CCDC134: variants seen among roughly 807,000 people sequenced by gnomAD.
CCDC134 encodes the protein coiled-coil domain containing 134.
In CCDC134, 27 loss-of-function variants were observed where a neutral mutation model predicts 25.6. The ratio of observed to expected loss-of-function variants is 1.05; its 90% CI spans 0.78 to 1.45. The LOEUF (loss-of-function observed/expected upper bound fraction) is 1.45, where lower values mean the gene tolerates loss of function less well. CCDC134 is among the 40% of genes most tolerant of loss of function. The pLI, the probability that CCDC134 is intolerant of heterozygous loss-of-function variation, is 0.00. For synonymous variants in CCDC134, 110 were observed against 115.0 expected, an observed-to-expected ratio of 0.96 and a Z score of 0.28; for missense variants, 261 against 286.7, an observed-to-expected ratio of 0.91 and a Z score of 0.65.
chr22:41,825,821 T>C lies in CCDC134; in HGVS notation c.688T>C (p.Ter230GlnextTer31). 1 of 1,614,074 alleles carries C rather than the reference T, an allele frequency of 6.2e-7. No individual in the cohort carries two copies. The highest frequency in any genetic ancestry group is 8.5e-7 in the Non-Finnish European group (1 of 1,179,938). ...GATCTCCAGATCCCAGTCTGAGTTA[T>C]AGCCCTGGAGCAGCTCAGGGCTCAG... is the stretch of plus-strand genomic sequence containing the variant. ...PRISRSQSEL* is the reference protein window; with the variant it reads ...PRISRSQSELQ Residue 230 changes from the stop codon to glutamine, a stop_lost, in exon 7 of 7, where the codon TAG becomes CAG. Transcript: ENST00000255784. This position sits in a 1 kb window ranked among gnomAD's most constrained non-coding sequence, Gnocchi z 4.4.
intron 1 of CCDC134, 140 bp from the exon 2 acceptor site, chr22:41,808,735 G>GGC (rs2076579840): frequency 2.9e-6 from 2 of 678,288 alleles, no homozygotes; most frequent in Non-Finnish European, 5.2e-6. Context: ...AAGAGCTGCA[G>GGC]CTTCAGGGCT....
At chr22:41,805,784 T>A (rs919243322) in intron 1 of CCDC134, among the ~76,000 whole-genome samples, 5 of 152,056 alleles carry the variant, frequency 3.3e-5, no homozygotes, top group Admixed American at 6.6e-5. Flanking sequence ...TTTTAAAAAT[T>A]ATAATAGCTG....
chr22:41,818,436 G>A (rs1013579401), intron 6 of CCDC134, among the ~76,000 whole-genome samples: 1 of 152,188 alleles, frequency 6.6e-6, no homozygotes, highest in Non-Finnish European at 1.5e-5. Flanking sequence ...AAGGTGGTGG[G>A]GACCCTCCTG....
intron 4 of CCDC134, among the ~76,000 whole-genome samples, chr22:41,811,327 C>T (rs2076594811): frequency 6.6e-6 from 1 of 152,200 alleles, no homozygotes. Context: ...CTGAACAGAA[C>T]CATGTCTCAG....
rs2076693431 is a variant in CCDC134, at chr22:41,829,175, C to T, written c.*3352C>T. On this transcript the variant is annotated 3_prime_UTR_variant, in exon 7 of 7. Transcript: ENST00000255784. ...TGGGAGGGAAAACCTCTCTGGTCCA[C>T]AGCCCTTCTCCTTATTCCAGTCCCA... Among the ~76,000 whole-genome samples the T allele has an allele frequency of 6.6e-6, 1 of 152,206 alleles. No homozygotes were observed. The highest frequency in any genetic ancestry group is 1.9e-4 in the East Asian group (1 of 5,196).
chr22:41,817,440 A>G (rs1569357214), intron 6 of CCDC134, among the ~76,000 whole-genome samples: 1 of 152,084 alleles, frequency 6.6e-6, no homozygotes, highest in East Asian at 1.9e-4. Flanking sequence ...AAGAGGGGTG[A>G]GGGGTAGGTA....
intron 6 of CCDC134, among the ~76,000 whole-genome samples, chr22:41,821,132 G>A (rs2076649972): frequency 6.6e-6 from 1 of 152,112 alleles, no homozygotes; most frequent in South Asian, 2.1e-4. Flanking sequence ...AGACGCTGCT[G>A]GGAGGTAAGG....
chr22:41,803,692 C>T (rs186523075), intron 1 of CCDC134, among the ~76,000 whole-genome samples: 136 of 151,474 alleles, frequency 9.0e-4, no homozygotes, highest in Non-Finnish European at 1.7e-3. Context: ...CACTTGAACC[C>T]GGGAGGCAGA....
At chr22:41,818,213 C>T (rs770798963) in intron 6 of CCDC134, among the ~76,000 whole-genome samples, 1 of 152,212 alleles carries the variant, frequency 6.6e-6, no homozygotes, top group African/African-American at 2.4e-5. Flanking sequence ...CTTCATTCCT[C>T]CCGCAATTAG....
intron 6 of CCDC134, among the ~76,000 whole-genome samples, 168 bp downstream of exon 6, chr22:41,813,990 T>C (rs1046709672): frequency 6.6e-6 from 1 of 152,212 alleles, no homozygotes; most frequent in African/African-American, 2.4e-5. Context: ...GGCAAGTCAT[T>C]GCTCCCCTCT....
rs1479300352 is a variant in CCDC134 at position 41,819,962 on chromosome 22, TTTATATATA to T, written c.565-5734_565-5726del. ...TGGAGAGCAGGCTGTGACTTACCACTTTATATATATATATATATATATATATATATATAT... is the reference window on the plus strand; with the variant it reads ...TGGAGAGCAGGCTGTGACTTACCACTTATATATATATATATATATATATAT... On this transcript the variant is annotated intron_variant, in intron 6 of 6. Transcript: ENST00000255784. Among the ~76,000 whole-genome samples the T allele has an allele frequency of 1.4e-3, 123 of 89,646 alleles. 6 individuals are homozygous for T. The highest frequency in any genetic ancestry group is 5.5e-3 in the African/African-American group (111 of 20,124). 58.8% of individuals were successfully genotyped at this position (89,646 alleles called of 152,430 possible).
At position 41,830,006 on chromosome 22, in the gene CCDC134, C is replaced by T. The variant is rs923681147; in HGVS notation, c.*4183C>T. ...CAGGATGGTCTCGATCTCTTGACTT[C>T]GTGATCTGCCTGCCTCGGCCTCCTA... On this transcript the variant is annotated 3_prime_UTR_variant, in exon 7 of 7. Coordinates refer to ENST00000255784, the MANE Select transcript of CCDC134 (RefSeq NM_024821.5). 3.3e-5 allele frequency among the ~76,000 whole-genome samples: 5 copies of T among 152,142 alleles called. No homozygotes were observed. Among genetic ancestry groups the T allele is most frequent in the Admixed American group, 2.6e-4 (4 of 15,274 alleles).
Position 41,830,285 on chromosome 22 carries a change from C to G in CCDC134, c.*4462C>G, listed in dbSNP as rs991956586. ...CCCTTCTTCCACCATTTCTACTGAG[C>G]CTTCAGTTGTACCCCTTCAGTCCAC... On this transcript the variant is annotated 3_prime_UTR_variant, in exon 7 of 7. Coordinates refer to ENST00000255784, the MANE Select transcript of CCDC134 (RefSeq NM_024821.5). Among the ~76,000 whole-genome samples the G allele has an allele frequency of 6.6e-6, 1 of 152,242 alleles. No homozygotes were observed. Among genetic ancestry groups the G allele is most frequent in the Non-Finnish European group, 1.5e-5 (1 of 68,050 alleles).
chr22:41,822,170 T>A (rs953845543), intron 6 of CCDC134, among the ~76,000 whole-genome samples: 1 of 151,918 alleles, frequency 6.6e-6, no homozygotes, highest in Non-Finnish European at 1.5e-5. Flanking sequence ...CAGGAGGAGA[T>A]AAGGCTGGAG....
chr22:41,822,310 C>T lies in CCDC134; in HGVS notation c.565-3388C>T, dbSNP rs948724270. Among the ~76,000 whole-genome samples the T allele has an allele frequency of 3.3e-5, 5 of 152,302 alleles. No homozygotes were observed. The East Asian group carries it at 7.7e-4, about 23-fold the overall frequency. On this transcript the variant is annotated intron_variant, in intron 6 of 6. Coordinates refer to ENST00000255784, the MANE Select transcript of CCDC134 (RefSeq NM_024821.5). ...GAATAGAGAGGAAATAAATTGATGA[C>T]TAACCTAACAGTGAAGACAGCGGAG...
chr22:41,815,186 C>T (rs2076616610), intron 6 of CCDC134, among the ~76,000 whole-genome samples: 1 of 149,928 alleles, frequency 6.7e-6, no homozygotes, highest in African/African-American at 2.5e-5. Flanking sequence ...TGGTTTAACT[C>T]AAATTTTCTT....
chr22:41,829,067 C>T lies in CCDC134; in HGVS notation c.*3244C>T, dbSNP rs977850369. Among the ~76,000 whole-genome samples the T allele has an allele frequency of 2.0e-5, 3 of 152,170 alleles. No homozygotes were observed. The highest frequency in any genetic ancestry group is 2.9e-5 in the Non-Finnish European group (2 of 68,030). ...GTGTTGTAGGCTATTTTAGCAGCAT[C>T]CCGGCCTCTCCCTGCCAGGTGCCTG... On this transcript the variant is annotated 3_prime_UTR_variant, in exon 7 of 7. Transcript: ENST00000255784.
Position 41,828,483 on chromosome 22 carries a change from A to C in CCDC134, c.*2660A>C, listed in dbSNP as rs1327954048. ...TCCTTCCTCCTGGGCTCTTTCCTCTAATACCGTCATCCTCTCTCCAACCTG... is the reference window on the plus strand; with the variant it reads ...TCCTTCCTCCTGGGCTCTTTCCTCTCATACCGTCATCCTCTCTCCAACCTG... On this transcript the variant is annotated 3_prime_UTR_variant, in exon 7 of 7. Transcript: ENST00000255784. Among the ~76,000 whole-genome samples the C allele has an allele frequency of 1.3e-5, 2 of 151,966 alleles. No individual in the cohort carries two copies. The highest frequency in any genetic ancestry group is 1.3e-4 in the Admixed American group (2 of 15,270).
At chr22:41,800,947 C>A (rs1441691892) in intron 1 of CCDC134, among the ~76,000 whole-genome samples, 181 bp downstream of exon 1, 1 of 152,204 alleles carries the variant, frequency 6.6e-6, no homozygotes, top group Non-Finnish European at 1.5e-5. Context: ...CCACCTGGGC[C>A]CCCGACCCCG....
Sources: gnomAD v4.1 joint callset for allele counts (sites outside exome capture counted in the v4.1 genomes callset) on GRCh38, gnomAD v4.1.1 for gene constraint, Gnocchi (gnomAD v3.1) non-coding constraint, MANE v1.5 for transcripts, NCBI Gene and HGNC (gene_info 2026-07-23, HGNC 2026-07-21) for gene names.